Variants in PPARGC1A observed in about 807,000 individuals in gnomAD.
PPARGC1A encodes the protein peroxisome proliferator-activated receptor gamma coactivator 1-alpha.
In PPARGC1A, 25 loss-of-function variants were observed where a neutral mutation model predicts 88.7. The observed-to-expected ratio is 0.28, with a 90% CI of 0.21 to 0.39. PPARGC1A has a LOEUF of 0.39. Among genes scored for constraint, PPARGC1A ranks in the 10% least tolerant of loss-of-function variants. The pLI is 1.00. For missense variants in PPARGC1A, 880 were observed against 968.7 expected, an observed-to-expected ratio of 0.91 and a Z score of 1.22; for synonymous variants, 363 against 355.6, an observed-to-expected ratio of 1.02 and a Z score of -0.24.
the PPARGC1A span, among the ~76,000 whole-genome samples, chr4:24,432,570 C>G: frequency 3.9e-3 from 595 of 152,292 alleles, 7 homozygotes; most frequent in Non-Finnish European, 5.9e-3. Context: ...ACAAATTGGA[C>G]TCACCCAGCA....
chr4:24,241,692 C>T, the PPARGC1A span, among the ~76,000 whole-genome samples: 4 of 152,148 alleles, frequency 2.6e-5, no homozygotes, highest in African/African-American at 9.7e-5. Flanking sequence ...CAAACATCTG[C>T]GAGAATAAGC....
At chr4:24,008,430 T>C in the PPARGC1A span, among the ~76,000 whole-genome samples, 1 of 152,156 alleles carries the variant, frequency 6.6e-6, no homozygotes, top group Non-Finnish European at 1.5e-5. Context: ...TCCTTGTACA[T>C]CTACCCTGTG....
chr4:24,286,760 A>C, the PPARGC1A span, among the ~76,000 whole-genome samples: 1 of 152,130 alleles, frequency 6.6e-6, no homozygotes, highest in Admixed American at 6.5e-5. Context: ...ACATTATCTC[A>C]CAGCTTCAGT....
the PPARGC1A span, among the ~76,000 whole-genome samples, chr4:24,453,931 G>A: frequency 6.6e-6 from 1 of 151,896 alleles, no homozygotes; most frequent in African/African-American, 2.4e-5. Flanking sequence ...AATATGGGCT[G>A]GCCTTGTAAC....
the PPARGC1A span, among the ~76,000 whole-genome samples, chr4:24,114,934 CTTAAT>C: frequency 4.4e-4 from 67 of 152,274 alleles, 1 homozygote; most frequent in Middle Eastern, 0.027. Context: ...TTTCTTCTAA[CTTAAT>C]TTATTTCATA....
the PPARGC1A span, among the ~76,000 whole-genome samples, chr4:23,980,781 G>A: frequency 6.6e-6 from 1 of 152,082 alleles, no homozygotes; most frequent in Admixed American, 6.6e-5. Context: ...TTCTGAAGTG[G>A]AGCCTATATT....
the PPARGC1A span, among the ~76,000 whole-genome samples, chr4:24,159,505 G>A: frequency 6.6e-5 from 10 of 151,992 alleles, no homozygotes; most frequent in South Asian, 2.1e-4. Context: ...CACTGCGCCC[G>A]GCCGAGATTA....
the PPARGC1A span, among the ~76,000 whole-genome samples, chr4:24,344,121 A>G: frequency 7.7e-6 from 1 of 129,618 alleles, no homozygotes; most frequent in Non-Finnish European, 1.7e-5. Context: ...ATATATATAT[A>G]TCACAGTTTT....
the PPARGC1A span, among the ~76,000 whole-genome samples, chr4:24,358,296 A>G: frequency 3.1e-3 from 469 of 152,310 alleles, 4 homozygotes; most frequent in African/African-American, 0.011. Context: ...ATCCTAATTT[A>G]TTTAATCTTT....
chr4:24,341,433 T>C, the PPARGC1A span, among the ~76,000 whole-genome samples: 3 of 152,130 alleles, frequency 2.0e-5, no homozygotes, highest in Non-Finnish European at 4.4e-5. Context: ...CTAGATGTGA[T>C]GGGTACAACA....
the PPARGC1A span, among the ~76,000 whole-genome samples, chr4:24,384,930 C>G: frequency 2.0e-5 from 3 of 152,326 alleles, no homozygotes; most frequent in Non-Finnish European, 4.4e-5. Flanking sequence ...CCTAAATCAA[C>G]AGAATATACA....
the PPARGC1A span, among the ~76,000 whole-genome samples, chr4:24,174,548 G>A: frequency 6.6e-6 from 1 of 152,198 alleles, no homozygotes; most frequent in Non-Finnish European, 1.5e-5. Context: ...ACTTCCCACT[G>A]TAATTCACAC....
the PPARGC1A span, among the ~76,000 whole-genome samples, chr4:24,345,890 C>T: frequency 6.6e-6 from 1 of 152,180 alleles, no homozygotes; most frequent in Non-Finnish European, 1.5e-5. Context: ...AACTTTTCCC[C>T]ATTCAGTATT....
At chr4:24,265,221 C>T in the PPARGC1A span, among the ~76,000 whole-genome samples, 1 of 152,144 alleles carries the variant, frequency 6.6e-6, no homozygotes. Context: ...ATTGAAAAGG[C>T]AGACTTGGGC....
At chr4:23,851,010 G>A (rs1266553915) in intron 2 of PPARGC1A, among the ~76,000 whole-genome samples, 2 of 152,228 alleles carry the variant, frequency 1.3e-5, no homozygotes, top group East Asian at 1.9e-4. Flanking sequence ...TAGAAAAAAT[G>A]TCATGTGTTT....
intron 10 of PPARGC1A, among the ~76,000 whole-genome samples, chr4:23,807,727 TTTTTC>T (rs1720068381): frequency 6.6e-6 from 1 of 151,836 alleles, no homozygotes; most frequent in Admixed American, 6.6e-5. Context: ...GTGTTGTGTT[TTTTTC>T]TTTTGTGTGT....
At chr4:24,124,443 T>G in the PPARGC1A span, among the ~76,000 whole-genome samples, 2 of 152,230 alleles carry the variant, frequency 1.3e-5, no homozygotes, top group African/African-American at 2.4e-5. Flanking sequence ...TTTTTAAAGT[T>G]ATCACTTCCT....
chr4:24,230,853 A>C, the PPARGC1A span, among the ~76,000 whole-genome samples: 1,087 of 151,630 alleles, frequency 7.2e-3, 7 homozygotes, highest in African/African-American at 0.025. Flanking sequence ...TGGCGACTGG[A>C]AGTTGTTGAC....
At chr4:23,892,578 A>G (rs549943096), upstream of PPARGC1A, among the ~76,000 whole-genome samples, 10 of 151,312 alleles carry the variant, frequency 6.6e-5, no homozygotes, top group Non-Finnish European at 1.5e-4. Context: ...GAGAACTTAA[A>G]TGGTTCATTG....
Sources: gnomAD v4.1 joint callset for allele counts (sites outside exome capture counted in the v4.1 genomes callset) on GRCh38, gnomAD v4.1.1 for gene constraint, MANE v1.5 for transcripts, NCBI Gene and HGNC (gene_info 2026-07-23, HGNC 2026-07-21) for gene names.